Variants in HIP1 observed in about 807,000 individuals in gnomAD.
The protein encoded by HIP1 is huntingtin-interacting protein 1.
Under a neutral mutation model 147.6 loss-of-function variants are expected in HIP1, and 65 were observed. That is an observed-to-expected ratio of 0.44 (90% CI 0.36 to 0.54). The LOEUF (loss-of-function observed/expected upper bound fraction) is 0.54. Ranked by LOEUF, HIP1 falls within the 20% of genes least tolerant of loss-of-function variation. HIP1 has a pLI of 0.00. For missense variants in HIP1, 1,061 were observed against 1,299.6 expected (o/e 0.82, Z 2.82); for synonymous variants, 479 against 504.0 (o/e 0.95, Z 0.67).
At chr7:75,561,743 A>G (rs1554494587) in intron 12 of HIP1, among the ~76,000 whole-genome samples, 1 of 151,998 alleles carries the variant, frequency 6.6e-6, no homozygotes, top group South Asian at 2.1e-4. Context: ...CCCAGGCTCA[A>G]ATGATCTTCC....
At chr7:75,693,919 C>CTTTTTTTTTTTT (rs10628011) in intron 1 of HIP1, among the ~76,000 whole-genome samples, 10 of 114,870 alleles carry the variant, frequency 8.7e-5, no homozygotes, top group Non-Finnish European at 1.2e-4. Flanking sequence ...ATTCTCTTTT[C>CTTTTTTTTTTTT]TTTTTTTTTT....
At position 75,538,070 on chromosome 7, in the gene HIP1, G is replaced by T; in HGVS notation, c.*102C>A. On this transcript the variant is annotated 3_prime_UTR_variant, in exon 31 of 31. Coordinates refer to ENST00000336926, the MANE Select transcript of HIP1 (RefSeq NM_005338.7). ...GGCACTGGGTAATGGCAGTGGTGTG[G>T]CTGCCCCTGGGACTCCAAGGATTTG... The T allele has an allele frequency of 2.2e-6, 2 of 912,746 alleles. No individual in the cohort carries two copies. The highest frequency in any genetic ancestry group is 3.7e-6 in the Non-Finnish European group (2 of 541,968). The allele number at this position is 912,746 out of a possible 1,614,324, so 56.5% of individuals were successfully genotyped here.
chr7:75,601,435 A>G (rs1554502900), intron 1 of HIP1, among the ~76,000 whole-genome samples: 1 of 151,904 alleles, frequency 6.6e-6, no homozygotes, highest in African/African-American at 2.4e-5. Context: ...CTAAAAATAC[A>G]AAAATTAGCT....
intron 1 of HIP1, among the ~76,000 whole-genome samples, chr7:75,732,754 C>T (rs1554523190): frequency 2.0e-5 from 3 of 152,128 alleles, no homozygotes; most frequent in South Asian, 4.1e-4. Context: ...CAGAACTCAC[C>T]TACTACAGAG....
intron 5 of HIP1, among the ~76,000 whole-genome samples, chr7:75,585,695 C>T (rs1014211833): frequency 4.6e-5 from 7 of 152,038 alleles, no homozygotes; most frequent in East Asian, 1.9e-4. Context: ...TTCTGGTTTA[C>T]GTTGCCTCCT....
chr7:75,552,227 AAC>A (rs1312361090), intron 22 of HIP1, among the ~76,000 whole-genome samples: 1 of 152,002 alleles, frequency 6.6e-6, no homozygotes, highest in Non-Finnish European at 1.5e-5. Context: ...TCCAATTCAT[AAC>A]ACTGGGGAAA....
At chr7:75,585,904 T>C (rs1362354065) in intron 5 of HIP1, among the ~76,000 whole-genome samples, 1 of 151,970 alleles carries the variant, frequency 6.6e-6, no homozygotes, top group Non-Finnish European at 1.5e-5. Context: ...ATCCTTGACT[T>C]CCCAGGCTCA....
chr7:75,582,612 C>T lies in HIP1; in HGVS notation c.466-461G>A, dbSNP rs186462140. On this transcript the variant is annotated intron_variant, in intron 5 of 30. Coordinates refer to ENST00000336926, the MANE Select transcript of HIP1 (RefSeq NM_005338.7). Reference sequence around the variant, plus strand: ...ATCACTTGGGGTCAGGAATTAGAGACGAGGCTGGCCAACATGGCAAAACCC... The same window carrying T: ...ATCACTTGGGGTCAGGAATTAGAGATGAGGCTGGCCAACATGGCAAAACCC... 8.5e-5 allele frequency among the ~76,000 whole-genome samples: 13 copies of T among 152,072 alleles called. No individual in the cohort carries two copies. The East Asian group carries it at 1.8e-3, about 21-fold the overall frequency.
Position 75,567,603 on chromosome 7 carries a change from C to T in HIP1, c.803+596G>A, listed in dbSNP as rs187141022. 1.2e-4 allele frequency among the ~76,000 whole-genome samples: 18 copies of T among 151,286 alleles called. 1 individual carries two copies. Among genetic ancestry groups the T allele is most frequent in the African/African-American group, 3.7e-4 (15 of 40,652 alleles). On this transcript the variant is annotated intron_variant, in intron 9 of 30. Transcript: ENST00000336926. ...AGATCACAAGGTCAAGAGATCGAGA[C>T]CATCCTGGCCAACATGGTGAAACCC...
intron 1 of HIP1, among the ~76,000 whole-genome samples, chr7:75,604,726 A>C (rs1352942093): frequency 6.6e-6 from 1 of 152,104 alleles, no homozygotes; most frequent in African/African-American, 2.4e-5. Context: ...GAAAAATGGT[A>C]GAAACTGCTT....
chr7:75,596,599 T>C (rs1188776786), intron 2 of HIP1, among the ~76,000 whole-genome samples: 4 of 152,172 alleles, frequency 2.6e-5, no homozygotes, highest in Admixed American at 6.6e-5. Context: ...TTGGCCAGGC[T>C]GGTCTCGAAC....
At chr7:75,734,800 G>A (rs575178479) in intron 1 of HIP1, among the ~76,000 whole-genome samples, 20 of 152,196 alleles carry the variant, frequency 1.3e-4, no homozygotes, top group East Asian at 3.9e-4. Flanking sequence ...ATGTTCTTCT[G>A]TCACTGGAAT....
At chr7:75,596,649 G>A (rs968025151) in intron 2 of HIP1, among the ~76,000 whole-genome samples, 7 of 152,120 alleles carry the variant, frequency 4.6e-5, no homozygotes, top group African/African-American at 1.4e-4. Flanking sequence ...ACCTTCCAAA[G>A]TGCTGGGATT....
chr7:75,725,158 G>A (rs996869597), intron 1 of HIP1, among the ~76,000 whole-genome samples: 2 of 151,860 alleles, frequency 1.3e-5, no homozygotes, highest in South Asian at 2.1e-4. Flanking sequence ...CTAGTAGCTG[G>A]GAATACAGGC....
chr7:75,558,001 A>G (rs60772265), intron 15 of HIP1, among the ~76,000 whole-genome samples, 166 bp downstream of exon 15: 3,661 of 152,336 alleles, frequency 0.024, 144 homozygotes, highest in African/African-American at 0.083. Context: ...GACACAGCCC[A>G]AGACACAGAG....
At chr7:75,621,296 G>A (rs914043364) in intron 1 of HIP1, among the ~76,000 whole-genome samples, 12 of 147,326 alleles carry the variant, frequency 8.1e-5, no homozygotes, top group Non-Finnish European at 1.2e-4. Flanking sequence ...GCTGGCAGGC[G>A]CGAGGAAGTA....
intron 2 of HIP1, among the ~76,000 whole-genome samples, chr7:75,595,247 T>TTTCTTCCTTC (rs1563230320): frequency 1.2e-5 from 1 of 82,966 alleles, no homozygotes; most frequent in African/African-American, 6.5e-5. Flanking sequence ...TTTCTTTCTT[T>TTTCTTCCTTC]CTTTCTTCCT....
intron 22 of HIP1, among the ~76,000 whole-genome samples, chr7:75,551,189 A>ATTTT (rs55679922): frequency 0.26 from 20,077 of 76,424 alleles, 5,528 homozygotes; most frequent in Non-Finnish European, 0.33. Flanking sequence ...GTAGATGATA[A>ATTTT]TTTTTTTTTT....
intron 13 of HIP1, among the ~76,000 whole-genome samples, chr7:75,560,351 A>G (rs1183667145): frequency 2.0e-5 from 3 of 152,008 alleles, no homozygotes; most frequent in Admixed American, 6.6e-5. Context: ...TAGGCTCAAG[A>G]GATCCTCTAG....
Sources: gnomAD v4.1 joint callset for allele counts (sites outside exome capture counted in the v4.1 genomes callset) on GRCh38, gnomAD v4.1.1 for gene constraint, MANE v1.5 for transcripts, NCBI Gene and HGNC (gene_info 2026-07-23, HGNC 2026-07-21) for gene names.